PTPRR: variants seen among roughly 807,000 people sequenced by gnomAD.
The protein encoded by PTPRR is protein tyrosine phosphatase receptor type R, also known as receptor-type tyrosine-protein phosphatase R.
PTPRR carries 38 observed loss-of-function variants against 77.2 expected under a neutral mutation model. That is an observed-to-expected ratio of 0.49 (90% CI 0.38 to 0.65). PTPRR has a LOEUF of 0.65. PTPRR is among the 30% of genes least tolerant of loss of function. PTPRR has a pLI of 0.00. For missense variants in PTPRR, 744 were observed against 799.2 expected, an observed-to-expected ratio of 0.93 and a Z score of 0.83; for synonymous variants, 299 against 283.1, an observed-to-expected ratio of 1.06 and a Z score of -0.57.
intron 6 of PTPRR, among the ~76,000 whole-genome samples, chr12:70,708,300 T>C (rs996957296): frequency 2.0e-5 from 3 of 152,132 alleles, no homozygotes; most frequent in Non-Finnish European, 2.9e-5. Flanking sequence ...GGATGCTATA[T>C]GTAATTACTG....
intron 13 of PTPRR, among the ~76,000 whole-genome samples, chr12:70,650,990 C>G (rs139422404): frequency 2.7e-4 from 41 of 152,234 alleles, no homozygotes; most frequent in African/African-American, 8.9e-4. Flanking sequence ...GTATTTGATA[C>G]TTTTTAATCA....
chr12:70,768,791 C>T lies in PTPRR; in HGVS notation c.358-4013G>A, dbSNP rs1411580082. Among the ~76,000 whole-genome samples, 11 of 151,996 alleles carry T rather than the reference C, an allele frequency of 7.2e-5. No individual in the cohort carries two copies. The South Asian group carries it at 2.1e-3, about 29-fold the overall frequency. The stretch of plus-strand genomic sequence containing the variant: ...TACGGGCAAACCGAATCCAGCAGCA[C>T]ATCAAAAAGCTTATCCACCATGATC... On this transcript the variant is annotated intron_variant, in intron 2 of 13. Coordinates refer to ENST00000283228, the MANE Select transcript of PTPRR (RefSeq NM_002849.4).
chr12:70,877,577 C>A (rs765101080), intron 2 of PTPRR, among the ~76,000 whole-genome samples: 3 of 152,058 alleles, frequency 2.0e-5, no homozygotes, highest in Non-Finnish European at 4.4e-5. Context: ...AACTACAAAC[C>A]ACTGCTGAAT....
intron 2 of PTPRR, among the ~76,000 whole-genome samples, chr12:70,877,859 G>GCTA (rs1565727779): frequency 6.6e-6 from 1 of 152,044 alleles, no homozygotes; most frequent in Non-Finnish European, 1.5e-5. Context: ...ATACTACAAG[G>GCTA]CTACAGTAAC....
At chr12:70,640,554 C>T (rs538370333) in intron 13 of PTPRR, among the ~76,000 whole-genome samples, 14 of 152,290 alleles carry the variant, frequency 9.2e-5, no homozygotes, top group Middle Eastern at 3.4e-3. Flanking sequence ...GCATCACTAT[C>T]GGTAACTATT....
chr12:70,683,989 G>T, intron 10 of PTPRR, 138 bp downstream of exon 10: 1 of 832,150 alleles, frequency 1.2e-6, no homozygotes, highest in Non-Finnish European at 1.8e-6. Flanking sequence ...TTATATTTGG[G>T]ATGTATTAAG....
At chr12:70,808,623 C>T (rs370908715) in intron 2 of PTPRR, among the ~76,000 whole-genome samples, 3 of 152,116 alleles carry the variant, frequency 2.0e-5, no homozygotes, top group Admixed American at 6.5e-5. Flanking sequence ...CCTGATACTA[C>T]TGAAAGTTAG....
At chr12:70,741,690 G>A (rs1890051486) in intron 6 of PTPRR, among the ~76,000 whole-genome samples, 1 of 152,180 alleles carries the variant, frequency 6.6e-6, no homozygotes, top group African/African-American at 2.4e-5. Context: ...ATAAGCCAGA[G>A]TAGGGTTTTC....
chr12:70,707,459 AT>A (rs1026741394), intron 6 of PTPRR, among the ~76,000 whole-genome samples: 2 of 152,036 alleles, frequency 1.3e-5, no homozygotes, highest in Non-Finnish European at 2.9e-5. Context: ...ATGTCCTCAA[AT>A]TTTTTTAAAC....
intron 6 of PTPRR, among the ~76,000 whole-genome samples, chr12:70,719,642 A>T (rs1889170941): frequency 6.6e-6 from 1 of 152,178 alleles, no homozygotes; most frequent in African/African-American, 2.4e-5. Context: ...CTAACAAGCG[A>T]TAAAAGGCCT....
intron 2 of PTPRR, among the ~76,000 whole-genome samples, chr12:70,878,922 A>G (rs1305006760): frequency 1.3e-5 from 2 of 152,252 alleles, no homozygotes; most frequent in African/African-American, 4.8e-5. Flanking sequence ...CTATGCAGCC[A>G]TAAAAAAGGA....
chr12:70,695,801 G>C (rs904156157), intron 8 of PTPRR, among the ~76,000 whole-genome samples: 12 of 151,994 alleles, frequency 7.9e-5, no homozygotes, highest in African/African-American at 2.9e-4. Flanking sequence ...CATCCCCTTT[G>C]GCCAAGTATA....
chr12:70,718,576 T>C (rs1889124448), intron 6 of PTPRR, among the ~76,000 whole-genome samples: 1 of 152,218 alleles, frequency 6.6e-6, no homozygotes, highest in South Asian at 2.1e-4. Flanking sequence ...TCCACTGTTT[T>C]AAACACAAAT....
Position 70,908,487 on chromosome 12 carries a change from G to A in PTPRR, c.58+11846C>T, listed in dbSNP as rs1893655451. On this transcript the variant is annotated intron_variant, in intron 1 of 13. Transcript: ENST00000283228. ...GCAGGTGAGAGAATGAGTGCCCAGA[G>A]AAGGGGGGAAGTCCCTTATAAAACC... 3.9e-5 allele frequency among the ~76,000 whole-genome samples: 6 copies of A among 152,278 alleles called. No homozygotes were observed. In the South Asian group the frequency reaches 1.0e-3, roughly 26 times the overall value.
intron 6 of PTPRR, among the ~76,000 whole-genome samples, chr12:70,743,537 GGA>G (rs977644965): frequency 6.6e-6 from 1 of 152,176 alleles, no homozygotes; most frequent in African/African-American, 2.4e-5. Context: ...TGAAGGTAGA[GGA>G]GGAAAACTGA....
chr12:70,646,083 T>C (rs1368667114), intron 13 of PTPRR, among the ~76,000 whole-genome samples: 1 of 152,196 alleles, frequency 6.6e-6, no homozygotes, highest in Non-Finnish European at 1.5e-5. Context: ...TCCTTTGCTT[T>C]TTATTATTTT....
chr12:70,821,707 G>T (rs923624761), intron 2 of PTPRR, among the ~76,000 whole-genome samples: 1 of 152,136 alleles, frequency 6.6e-6, no homozygotes, highest in Non-Finnish European at 1.5e-5. Flanking sequence ...TGTCGCCCAG[G>T]CTGGAGTGCA....
rs1268521452 is a variant in PTPRR, at chr12:70,920,575, A to T, written c.-185T>A. 1.7e-6 allele frequency: 1 copy of T among 577,128 alleles called. No homozygotes were observed. The highest frequency in any genetic ancestry group is 3.0e-5 in the East Asian group (1 of 33,122). The allele number at this position is 577,128 out of a possible 1,614,324, so 35.8% of individuals were successfully genotyped here. ...GCACCAGCTTCAACCTCCCTAAGAG[A>T]GGGAGAGAGGAAGAGCAGTAGGAGG... On this transcript the variant is annotated 5_prime_UTR_variant, in exon 1 of 14. Transcript: ENST00000283228.
intron 2 of PTPRR, among the ~76,000 whole-genome samples, chr12:70,793,668 C>T (rs1416812324): frequency 6.6e-6 from 1 of 152,166 alleles, no homozygotes; most frequent in Non-Finnish European, 1.5e-5. Context: ...TGTTCCTGCT[C>T]ATTCTTCCAT....
Sources: allele counts gnomAD v4.1 joint callset (sites outside exome capture counted in the v4.1 genomes callset), GRCh38; gene constraint gnomAD v4.1.1; transcripts MANE v1.5; gene names NCBI Gene and HGNC (gene_info 2026-07-23, HGNC 2026-07-21).